FUNDC2: variants seen among roughly 807,000 people sequenced by gnomAD.
The protein encoded by FUNDC2 is FUN14 domain containing 2.
A neutral mutation model predicts 15.6 loss-of-function variants in FUNDC2; 4 were observed. The ratio of observed to expected loss-of-function variants is 0.26; its 90% CI spans 0.13 to 0.59. The LOEUF is 0.59. FUNDC2 is among the 20% of genes least tolerant of loss of function. The pLI is 0.90. For missense variants in FUNDC2, 98 were observed against 149.7 expected (o/e 0.65, Z 1.80); for synonymous variants, 44 against 56.9 (o/e 0.77, Z 1.02).
At chrX:155,053,755 G>A (rs1414600869) in intron 4 of FUNDC2, 4 of 685,636 alleles carry the variant, frequency 5.8e-6, no homozygotes, top group African/African-American at 2.4e-5. Flanking sequence ...GGAAGTCACC[G>A]TACTTGAGTT....
intron 2 of FUNDC2, among the ~76,000 whole-genome samples, chrX:155,035,678 A>G (rs1557289109): frequency 8.9e-6 from 1 of 111,981 alleles, no homozygotes; most frequent in Non-Finnish European, 1.9e-5. Context: ...CTTATTCACC[A>G]TAATAATATA....
chrX:155,032,504 G>A (rs1197426576), intron 1 of FUNDC2, among the ~76,000 whole-genome samples: 2 of 108,709 alleles, frequency 1.8e-5, no homozygotes, highest in African/African-American at 3.4e-5. Flanking sequence ...TTGAACTCCC[G>A]ACCTCAGGTG....
intron 2 of FUNDC2, among the ~76,000 whole-genome samples, chrX:155,045,395 T>C (rs1289370102): frequency 8.9e-6 from 1 of 112,223 alleles, no homozygotes; most frequent in African/African-American, 3.2e-5. Context: ...ATGATAGATA[T>C]ATTAATCTGA....
chrX:155,042,173 A>ATTTTT (rs2073849188), intron 2 of FUNDC2, among the ~76,000 whole-genome samples: 1 of 58,708 alleles, frequency 1.7e-5, no homozygotes, highest in African/African-American at 7.6e-5. Context: ...TTCTTTTTCT[A>ATTTTT]TCTTTTTTTT....
At chrX:155,047,484 T>G (rs1557290138) in intron 3 of FUNDC2, 1 of 337,266 alleles carries the variant, frequency 3.0e-6, no homozygotes, top group Non-Finnish European at 5.9e-6. Flanking sequence ...GGTAACTGGC[T>G]GTAGCTGGGT....
rs2073919758 is a variant in FUNDC2 at position 155,059,500 on chromosome X, T to C, written c.*4828T>C. ...CATAGTTTTCACCTTCCTAGAGTTC[T>C]TTGCTTAAGACTGAGATTCAGTGTT... On this transcript the variant is annotated 3_prime_UTR_variant, in exon 5 of 5. Transcript: ENST00000369498. 9.1e-6 allele frequency: 1 copy of C among 110,402 alleles called. No individual in the cohort carries two copies. Among genetic ancestry groups the C allele is most frequent in the Non-Finnish European group, 1.9e-5 (1 of 52,685 alleles). 9.1% of individuals were successfully genotyped at this position (110,402 alleles called of 1,213,427 possible). A position where few individuals can be genotyped will look rare whatever the true frequency, so the allele number is the denominator to read the frequency against.
At chrX:155,027,223 G>A (rs1328003350) in intron 1 of FUNDC2, 152 bp downstream of exon 1, 4 of 564,312 alleles carry the variant, frequency 7.1e-6, no homozygotes, top group Non-Finnish European at 9.8e-6. Context: ...ATCGCCCCTG[G>A]CTCAGCCGCT....
At position 155,042,971 on chromosome X, in the gene FUNDC2, C is replaced by T. The variant is rs190195741; in HGVS notation, c.285-3538C>T. Among the ~76,000 whole-genome samples, 582 of 111,345 alleles carry T rather than the reference C, an allele frequency of 5.2e-3. 5 individuals are homozygous for T. The highest frequency in any genetic ancestry group is 0.018 in the African/African-American group (541 of 30,547). The stretch of plus-strand genomic sequence containing the variant: ...TCTTTTTTTTTGAGACTTTCTTGTT[C>T]TGTTGCTTAGGCTGGAGTGCAGTGG... On this transcript the variant is annotated intron_variant, in intron 2 of 4. Coordinates refer to ENST00000369498, the MANE Select transcript of FUNDC2 (RefSeq NM_023934.4).
chrX:155,036,864 G>T (rs1325463586), intron 2 of FUNDC2, among the ~76,000 whole-genome samples: 1 of 111,052 alleles, frequency 9.0e-6, no homozygotes, highest in Admixed American at 9.6e-5. Context: ...TGTAACTTAG[G>T]TAATGCAAGT....
rs1569560271 is a variant in FUNDC2, at chrX:155,057,023, T to TG, written c.*2351_*2352insG. Reference sequence around the variant, plus strand: ...GTGAGGGTCATGGTTGAGGTCAGTATTGCAGGTTGGCCTCATCCTGCTAGT... The same window carrying TG: ...GTGAGGGTCATGGTTGAGGTCAGTATGTGCAGGTTGGCCTCATCCTGCTAGT... On this transcript the variant is annotated 3_prime_UTR_variant, in exon 5 of 5. Transcript: ENST00000369498. 2.9e-4 allele frequency: 30 copies of TG among 102,039 alleles called. No homozygotes were observed. Among genetic ancestry groups the TG allele is most frequent in the Non-Finnish European group, 5.2e-4 (25 of 48,165 alleles). 8.4% of individuals were successfully genotyped at this position (102,039 alleles called of 1,213,427 possible). A position where few individuals can be genotyped will look rare whatever the true frequency, so the allele number is the denominator to read the frequency against.
At chrX:155,049,702 A>C (rs1038107776) in intron 3 of FUNDC2, 1 of 112,275 alleles carries the variant, frequency 8.9e-6, no homozygotes, top group Non-Finnish European at 1.9e-5. Flanking sequence ...TTCTGTGTTG[A>C]GTATTCCATT....
At chrX:155,036,396 A>T (rs1483586942) in intron 2 of FUNDC2, among the ~76,000 whole-genome samples, 1 of 112,062 alleles carries the variant, frequency 8.9e-6, no homozygotes, top group Non-Finnish European at 1.9e-5. Context: ...AGAGTTCTTT[A>T]AATATTCTGG....
Position 155,026,979 on chromosome X carries a change from C to T in FUNDC2, c.41C>T (p.Ala14Val). Residue 14 changes from alanine to valine, a missense_variant, in exon 1 of 5, where the codon GCG becomes GTG. Transcript: ENST00000369498. ...SAPRAGSQVV[A>V]TTARHSAAYR... ...CCACGTGCCGGAAGCCAAGTGGTGG[C>T]GACAACTGCGCGCCACTCCGCGGCC... 2 of 1,201,628 alleles carry T rather than the reference C, an allele frequency of 1.7e-6. No homozygotes were observed. The highest frequency in any genetic ancestry group is 4.4e-5 in the Admixed American group (2 of 45,547).
chrX:155,034,692 A>T (rs1237355929), intron 2 of FUNDC2, among the ~76,000 whole-genome samples: 10 of 112,430 alleles, frequency 8.9e-5, no homozygotes, highest in Admixed American at 6.6e-4. Flanking sequence ...TTAAATTTTT[A>T]AAAAATTAGT....
chrX:155,050,718 T>C (rs2073877209), intron 3 of FUNDC2: 1 of 112,397 alleles, frequency 8.9e-6, no homozygotes, highest in Non-Finnish European at 1.9e-5. Context: ...GAAGTTGAAC[T>C]TTTTCCTTTT....
intron 4 of FUNDC2, chrX:155,054,201 G>C (rs2073887018): frequency 1.3e-6 from 1 of 751,471 alleles, no homozygotes; most frequent in Non-Finnish European, 1.6e-6. Flanking sequence ...AAAGAGGATG[G>C]AAGGAGCAAA....
intron 3 of FUNDC2, chrX:155,049,044 T>A (rs981085287): frequency 1.8e-5 from 2 of 113,090 alleles, no homozygotes; most frequent in African/African-American, 6.4e-5. Flanking sequence ...TTCACGTCTT[T>A]ATGAATGTAG....
rs1469863881 is a variant in FUNDC2, at chrX:155,056,201, C to T, written c.*1529C>T. On this transcript the variant is annotated 3_prime_UTR_variant, in exon 5 of 5. Transcript: ENST00000369498. ...AAGTAGAGAATATAGTACAATAATC[C>T]CCCTGTGTATCTATCACTCACTCAC... 1.8e-5 allele frequency: 2 copies of T among 111,661 alleles called. No homozygotes were observed. Among genetic ancestry groups the T allele is most frequent in the South Asian group, 7.4e-4 (2 of 2,703 alleles). The allele number at this position is 111,661 out of a possible 1,213,427, so 9.2% of individuals were successfully genotyped here.
chrX:155,036,694 G>A (rs1163589210), intron 2 of FUNDC2, among the ~76,000 whole-genome samples: 9 of 109,981 alleles, frequency 8.2e-5, no homozygotes, highest in African/African-American at 1.6e-4. Context: ...TTTTTTTTGC[G>A]TATGGGTATC....
Sources: allele counts gnomAD v4.1 joint callset (sites outside exome capture counted in the v4.1 genomes callset), GRCh38; gene constraint gnomAD v4.1.1; transcripts MANE v1.5; gene names NCBI Gene and HGNC (gene_info 2026-07-23, HGNC 2026-07-21).